The following SPINK13 variants were observed in gnomAD, a reference collection of about 807,000 sequenced individuals.
SPINK13 encodes the protein serine peptidase inhibitor Kazal type 13, also known as serine protease inhibitor Kazal-type 13.
Under a neutral mutation model 11.0 loss-of-function variants are expected in SPINK13, and 11 were observed. The observed-to-expected ratio is 1.00, with a 90% CI of 0.63 to 1.65. The LOEUF is 1.65. Among genes scored for constraint, SPINK13 ranks in the 40% most tolerant of loss-of-function variants. The pLI is 0.00. For synonymous variants in SPINK13, 31 were observed against 35.6 expected (o/e 0.87, Z 0.46); for missense variants, 113 against 117.7 (o/e 0.96, Z 0.19).
intron 3 of SPINK13, among the ~76,000 whole-genome samples, chr5:148,280,722 C>T (rs1411840742): frequency 1.3e-5 from 2 of 152,214 alleles, no homozygotes; most frequent in Non-Finnish European, 2.9e-5. Flanking sequence ...TCCGTAGACC[C>T]CTGCTGGGAG....
At chr5:148,282,798 G>T (rs1431523205) in intron 4 of SPINK13, among the ~76,000 whole-genome samples, 2 of 152,250 alleles carry the variant, frequency 1.3e-5, no homozygotes, top group African/African-American at 2.4e-5. Flanking sequence ...TTAGACTAAA[G>T]AATTAATAAT....
At chr5:148,272,173 G>A (rs923642162) in intron 2 of SPINK13, among the ~76,000 whole-genome samples, 4 of 152,078 alleles carry the variant, frequency 2.6e-5, no homozygotes, top group Non-Finnish European at 5.9e-5. Flanking sequence ...AGAGCTGGTA[G>A]AAATATTCTT....
intron 3 of SPINK13, 54 bp from the exon 4 acceptor site, chr5:148,282,050 A>T (rs1467320867): frequency 1.2e-6 from 2 of 1,601,008 alleles, no homozygotes; most frequent in Non-Finnish European, 1.7e-6. Context: ...GACAGGAAGA[A>T]ATAGATGGGA....
intron 1 of SPINK13, 135 bp from the exon 2 acceptor site, chr5:148,269,905 G>A: frequency 2.0e-6 from 1 of 492,902 alleles, no homozygotes; most frequent in Non-Finnish European, 3.5e-6. Flanking sequence ...TCAGGCCTGA[G>A]TTCCTGGAGA....
chr5:148,276,016 T>G (rs553948334), intron 3 of SPINK13, among the ~76,000 whole-genome samples: 1 of 152,332 alleles, frequency 6.6e-6, no homozygotes, highest in Admixed American at 6.5e-5. Context: ...GGTATCTCAT[T>G]GTGGTTTTGA....
chr5:148,279,145 C>T (rs1221964141), intron 3 of SPINK13, among the ~76,000 whole-genome samples: 1 of 129,548 alleles, frequency 7.7e-6, no homozygotes, highest in African/African-American at 2.9e-5. Context: ...AAATCTTCCT[C>T]CATCCCTTTA....
chr5:148,282,587 T>C (rs1457303467), intron 4 of SPINK13, among the ~76,000 whole-genome samples: 1 of 152,222 alleles, frequency 6.6e-6, no homozygotes, highest in Non-Finnish European at 1.5e-5. Flanking sequence ...GACAAACCTA[T>C]GAATAGCACC....
chr5:148,281,544 C>T (rs991505131), intron 3 of SPINK13, among the ~76,000 whole-genome samples: 3 of 152,136 alleles, frequency 2.0e-5, no homozygotes, highest in African/African-American at 7.2e-5. Context: ...GGAGGGAGTT[C>T]CCTGACCCAT....
intron 3 of SPINK13, among the ~76,000 whole-genome samples, chr5:148,274,931 G>A (rs1332535091): frequency 6.6e-6 from 1 of 152,104 alleles, no homozygotes; most frequent in African/African-American, 2.4e-5. Context: ...TGATCATTAA[G>A]TAAAATAATA....
chr5:148,277,084 T>C (rs1756441906), intron 3 of SPINK13, among the ~76,000 whole-genome samples: 1 of 152,214 alleles, frequency 6.6e-6, no homozygotes, highest in African/African-American at 2.4e-5. Context: ...GTTTGCCTAT[T>C]ATTGGTGTAT....
At chr5:148,274,636 A>T (rs190217026) in intron 3 of SPINK13, among the ~76,000 whole-genome samples, 1 of 152,156 alleles carries the variant, frequency 6.6e-6, no homozygotes, top group South Asian at 2.1e-4. Context: ...AGCCAGCTAC[A>T]TGGGAGGTTG....
Position 148,282,106 on chromosome 5 carries a change from C to G in SPINK13, c.111C>G (p.Pro37=). The change falls in exon 4 of 5, where the codon CCC becomes CCG. Residue 37 remains proline (P), a splice_region_variant and synonymous_variant. Transcript: ENST00000398450. ...NKRDFTRWPK[P]RCKMYIPLDP... is the part of the protein sequence containing the mutation. ...TTTATGGTGTCATGTATTTGCAGCC[C>G]CGATGTAAAATGTATATCCCACTGG... 6.2e-7 allele frequency: 1 copy of G among 1,613,828 alleles called. No individual in the cohort carries two copies. Among genetic ancestry groups the G allele is most frequent in the Non-Finnish European group, 8.5e-7 (1 of 1,179,874 alleles).
Position 148,279,056 on chromosome 5 carries a change from G to A in SPINK13, c.109-3048G>A, listed in dbSNP as rs1227960020. ...CTCTTGTGATCTTTGTTGGTTTAAA[G>A]TCTGTTTTATCAGAGACTAGAATTG... On this transcript the variant is annotated intron_variant, in intron 3 of 4. Transcript: ENST00000398450. Among the ~76,000 whole-genome samples, 4 of 133,946 alleles carry A rather than the reference G, an allele frequency of 3.0e-5. No individual in the cohort carries two copies. In the East Asian group the frequency reaches 9.8e-4, roughly 33 times the overall value. 87.9% of individuals were successfully genotyped at this position (133,946 alleles called of 152,430 possible).
chr5:148,281,451 C>T (rs549068052), intron 3 of SPINK13, among the ~76,000 whole-genome samples: 16 of 152,156 alleles, frequency 1.1e-4, no homozygotes, highest in South Asian at 2.1e-4. Context: ...CTGCAGGTTG[C>T]GAAGACTGTG....
chr5:148,280,144 T>C (rs1756491426), intron 3 of SPINK13, among the ~76,000 whole-genome samples: 1 of 152,216 alleles, frequency 6.6e-6, no homozygotes, highest in South Asian at 2.1e-4. Flanking sequence ...AAGTCATTTA[T>C]GTTCTTCTCT....
chr5:148,278,546 G>T (rs1756465669), intron 3 of SPINK13, among the ~76,000 whole-genome samples: 1 of 152,320 alleles, frequency 6.6e-6, no homozygotes, highest in Non-Finnish European at 1.5e-5. Flanking sequence ...CCATTCAGGA[G>T]CAGGTTGTTC....
intron 3 of SPINK13, among the ~76,000 whole-genome samples, chr5:148,280,721 C>A (rs1389993427): frequency 6.6e-6 from 1 of 152,174 alleles, no homozygotes; most frequent in East Asian, 1.9e-4. Flanking sequence ...GTCCGTAGAC[C>A]CCTGCTGGGA....
At chr5:148,269,297 CAG>C (rs1471436560) in intron 1 of SPINK13, among the ~76,000 whole-genome samples, 1 of 152,226 alleles carries the variant, frequency 6.6e-6, no homozygotes, top group Non-Finnish European at 1.5e-5. Context: ...CTACACTTCT[CAG>C]AGACATTAAA....
chr5:148,281,489 G>C (rs1756514140), intron 3 of SPINK13, among the ~76,000 whole-genome samples: 1 of 152,180 alleles, frequency 6.6e-6, no homozygotes, highest in Non-Finnish European at 1.5e-5. Context: ...GGGCTGGATA[G>C]CTCTGTCCTT....
Sources: allele counts gnomAD v4.1 joint callset (sites outside exome capture counted in the v4.1 genomes callset), GRCh38; gene constraint gnomAD v4.1.1; transcripts MANE v1.5; gene names NCBI Gene and HGNC (gene_info 2026-07-23, HGNC 2026-07-21).